BABAM2: variants seen among roughly 807,000 people sequenced by gnomAD.
BABAM2 encodes BRISC and BRCA1 A complex member 2.
In BABAM2, 31 loss-of-function variants were observed where a neutral mutation model predicts 54.7. That is an observed-to-expected ratio of 0.57 (90% CI 0.43 to 0.77). The LOEUF (loss-of-function observed/expected upper bound fraction) is 0.77, where lower values mean the gene tolerates loss of function less well. Among genes scored for constraint, BABAM2 ranks in the 30% least tolerant of loss-of-function variants. BABAM2 has a pLI of 0.00. For missense variants in BABAM2, 364 were observed against 455.8 expected (o/e 0.80, Z 1.83); for synonymous variants, 167 against 162.9 (o/e 1.03, Z -0.19).
intron 3 of BABAM2, among the ~76,000 whole-genome samples, chr2:27,982,710 G>A (rs1286049549): frequency 6.6e-6 from 1 of 151,550 alleles, no homozygotes. Flanking sequence ...TACTTCAGGT[G>A]TTTCGTATAA....
chr2:28,052,101 C>T (rs1396676631), intron 6 of BABAM2, among the ~76,000 whole-genome samples: 1 of 152,008 alleles, frequency 6.6e-6, no homozygotes, highest in Non-Finnish European at 1.5e-5. Flanking sequence ...GAATAGAGGC[C>T]AGATTGTTGG....
chr2:27,966,887 T>C (rs1670878816), intron 3 of BABAM2, among the ~76,000 whole-genome samples: 1 of 152,176 alleles, frequency 6.6e-6, no homozygotes, highest in African/African-American at 2.4e-5. Flanking sequence ...CCTTTACTAG[T>C]TGTAGGATAG....
chr2:27,952,268 G>T (rs1262793105), intron 3 of BABAM2, among the ~76,000 whole-genome samples: 1 of 152,170 alleles, frequency 6.6e-6, no homozygotes, highest in Non-Finnish European at 1.5e-5. Context: ...CCTGTCAATT[G>T]GGATGTTTAG....
chr2:27,899,535 C>T lies in BABAM2; in HGVS notation c.128+4851C>T, dbSNP rs1023824542. Among the ~76,000 whole-genome samples the T allele has an allele frequency of 5.3e-5, 8 of 151,320 alleles. No individual in the cohort carries two copies. In the South Asian group the frequency reaches 8.4e-4, roughly 16 times the overall value. ...TGTTGCCCAGGCTGGAGGGCAATGG[C>T]GCGATCTTGGCTCCTCAACCTCTGC... is the stretch of plus-strand genomic sequence containing the variant. On this transcript the variant is annotated intron_variant, in intron 2 of 11. Transcript: ENST00000379624.
chr2:28,016,451 A>T, intron 4 of BABAM2: 1 of 1,342,308 alleles, frequency 7.4e-7, no homozygotes, highest in Non-Finnish European at 1.1e-6. Context: ...TGTTGGGTTC[A>T]TATAGGCTAC....
rs60046971 is a variant in BABAM2 at position 28,036,828 on chromosome 2, G to A, written c.496-8897G>A. On this transcript the variant is annotated intron_variant, in intron 5 of 11. Coordinates refer to ENST00000379624, the MANE Select transcript of BABAM2 (RefSeq NM_199191.3). ...GTCCCGATTAAATTACTTCCAAAGC[G>A]TCCTGTGAATATCTCTGTCAAAACA... Among the ~76,000 whole-genome samples the A allele has an allele frequency of 9.2e-3, 1,407 of 152,246 alleles. 23 individuals are homozygous for A. Among genetic ancestry groups the A allele is most frequent in the African/African-American group, 0.032 (1,313 of 41,534 alleles).
At chr2:28,225,568 G>T (rs540339856) in intron 7 of BABAM2, among the ~76,000 whole-genome samples, 4 of 152,198 alleles carry the variant, frequency 2.6e-5, no homozygotes, top group African/African-American at 9.6e-5. Flanking sequence ...TATTTCTGAG[G>T]ATCAGTCACC....
intron 10 of BABAM2, among the ~76,000 whole-genome samples, chr2:28,280,642 A>G (rs1686273404): frequency 6.6e-6 from 1 of 152,184 alleles, no homozygotes; most frequent in Non-Finnish European, 1.5e-5. Flanking sequence ...GGGTTCACAC[A>G]TCCCTCCTCC....
At chr2:28,095,682 A>G (rs1445812714) in intron 6 of BABAM2, among the ~76,000 whole-genome samples, 1 of 152,222 alleles carries the variant, frequency 6.6e-6, no homozygotes, top group Non-Finnish European at 1.5e-5. Context: ...GGTTCTTATG[A>G]AAAGATTTGG....
chr2:28,248,210 T>TTTC (rs544532106), intron 10 of BABAM2, among the ~76,000 whole-genome samples: 70 of 101,248 alleles, frequency 6.9e-4, no homozygotes, highest in East Asian at 2.3e-3. Context: ...TCTTTTTCTT[T>TTTC]TTTTTTTTTT....
At chr2:28,034,452 T>G (rs1188063098) in intron 5 of BABAM2, among the ~76,000 whole-genome samples, 5 of 152,332 alleles carry the variant, frequency 3.3e-5, no homozygotes, top group Non-Finnish European at 5.9e-5. Context: ...GGTATATTCT[T>G]GTTGTAAGTT....
intron 5 of BABAM2, among the ~76,000 whole-genome samples, chr2:28,028,225 A>G (rs1320236753): frequency 1.3e-5 from 2 of 152,150 alleles, no homozygotes; most frequent in Admixed American, 6.5e-5. Context: ...TTGCCTCTCT[A>G]CAGGGCAGTG....
chr2:28,259,494 C>T (rs991163280), intron 10 of BABAM2, among the ~76,000 whole-genome samples: 4 of 152,110 alleles, frequency 2.6e-5, no homozygotes, highest in African/African-American at 9.7e-5. Context: ...GTTTTTTATA[C>T]ATTGGGATAC....
intron 7 of BABAM2, among the ~76,000 whole-genome samples, chr2:28,217,343 A>T (rs1390524971): frequency 6.6e-6 from 1 of 152,230 alleles, no homozygotes; most frequent in South Asian, 2.1e-4. Flanking sequence ...GCTCAGAGGC[A>T]TTTTATGTGT....
At chr2:28,233,994 T>G (rs989580436) in intron 7 of BABAM2, among the ~76,000 whole-genome samples, 8 of 152,272 alleles carry the variant, frequency 5.3e-5, no homozygotes, top group African/African-American at 1.9e-4. Flanking sequence ...GATGCTGGCC[T>G]GGCTCCCTGA....
chr2:28,071,499 G>A (rs1347967762), intron 6 of BABAM2, among the ~76,000 whole-genome samples: 4 of 152,162 alleles, frequency 2.6e-5, no homozygotes, highest in African/African-American at 9.7e-5. Context: ...TTATCCGAAG[G>A]CACATATTGC....
chr2:28,188,582 T>C lies in BABAM2; in HGVS notation c.681-48620T>C, dbSNP rs60213381. 4.8e-3 allele frequency among the ~76,000 whole-genome samples: 726 copies of C among 152,290 alleles called. 4 individuals carry two copies. Among genetic ancestry groups the C allele is most frequent in the African/African-American group, 0.017 (696 of 41,564 alleles). ...AGATGCTAACAGATATTTGTCAAAA[T>C]TGCACATGCCAGAGATTGAAACGGA... On this transcript the variant is annotated intron_variant, in intron 7 of 11. Transcript: ENST00000379624.
At chr2:28,256,693 CTTTTTTT>C (rs34881415) in intron 10 of BABAM2, among the ~76,000 whole-genome samples, 1 of 122,802 alleles carries the variant, frequency 8.1e-6, no homozygotes, top group Non-Finnish European at 1.6e-5. Flanking sequence ...TGGCTCACTT[CTTTTTTT>C]TTTTTTTTTT....
chr2:28,183,217 T>A (rs1489367494), intron 7 of BABAM2, among the ~76,000 whole-genome samples: 2 of 152,146 alleles, frequency 1.3e-5, no homozygotes, highest in Non-Finnish European at 2.9e-5. Flanking sequence ...GTGGGGTGGA[T>A]CACCTGAGGT....
Sources: allele counts gnomAD v4.1 joint callset (sites outside exome capture counted in the v4.1 genomes callset), GRCh38; gene constraint gnomAD v4.1.1; transcripts MANE v1.5; gene names NCBI Gene and HGNC (gene_info 2026-07-23, HGNC 2026-07-21).